The following CLTC variants were observed in gnomAD, a reference collection of about 807,000 sequenced individuals.
CLTC encodes the protein clathrin heavy chain 1.
Under a neutral mutation model 195.8 loss-of-function variants are expected in CLTC, and 16 were observed. That is an observed-to-expected ratio of 0.08 (90% CI 0.06 to 0.12). The LOEUF is 0.12. Ranked by LOEUF, CLTC falls within the 10% of genes least tolerant of loss-of-function variation. CLTC has a pLI of 1.00. For synonymous variants in CLTC, 667 were observed against 689.4 expected (o/e 0.97, Z 0.51); for missense variants, 796 against 2,027.0 (o/e 0.39, Z 11.66).
In CLTC at chr17:59,648,231, C is replaced by G. The variant is rs1598214509; in HGVS notation, c.520-9C>G. On this transcript the variant is annotated splice_polypyrimidine_tract_variant and intron_variant, in intron 3 of 31. Coordinates refer to ENST00000269122, the MANE Select transcript of CLTC (RefSeq NM_004859.4). The surrounding 1 kb of genome is among the most constrained non-coding windows in gnomAD (Gnocchi z 4.5). Reference sequence around the variant, plus strand: ...GTCTTCAAACGTTATTCTCTTTGATCCTTTATAGCAAAATCGTGTGGTGGG... The same window carrying G: ...GTCTTCAAACGTTATTCTCTTTGATGCTTTATAGCAAAATCGTGTGGTGGG... The G allele has an allele frequency of 6.2e-7, 1 of 1,602,586 alleles. No individual in the cohort carries two copies. The highest frequency in any genetic ancestry group is 8.5e-7 in the Non-Finnish European group (1 of 1,174,974).
chr17:59,663,220 T>A (rs2032650513), intron 8 of CLTC, among the ~76,000 whole-genome samples: 2 of 152,208 alleles, frequency 1.3e-5, no homozygotes, highest in Non-Finnish European at 2.9e-5. Context: ...ATTTCCAGAT[T>A]GGGCAGCTGA....
chr17:59,646,905 G>A (rs1410399225), intron 2 of CLTC, among the ~76,000 whole-genome samples: 1 of 152,162 alleles, frequency 6.6e-6, no homozygotes, highest in African/African-American at 2.4e-5. Context: ...AGACAGAATT[G>A]AAGCAGATCC....
chr17:59,624,867 G>A (rs1330586804), intron 1 of CLTC, among the ~76,000 whole-genome samples: 3 of 151,994 alleles, frequency 2.0e-5, no homozygotes, highest in South Asian at 2.1e-4. Context: ...ACAGAGTCTT[G>A]CTATATTGCT....
intron 8 of CLTC, 98 bp from the exon 9 acceptor site, chr17:59,663,744 C>G: frequency 2.0e-6 from 2 of 985,928 alleles, no homozygotes; most frequent in Non-Finnish European, 3.0e-6. Flanking sequence ...AACTAAGTAC[C>G]TTTCATACTA....
rs146734840 is a variant in CLTC, at chr17:59,663,706, C to T, written c.1369-136C>T. On this transcript the variant is annotated intron_variant, in intron 8 of 31. Transcript: ENST00000269122. The stretch of plus-strand genomic sequence containing the variant: ...AGATTAAGAGTCTACCAACCACAAC[C>T]CCTGCATATTTATAATATATTCTGT... The T allele has an allele frequency of 2.0e-5, 13 of 646,288 alleles. No homozygotes were observed. The Middle Eastern group carries it at 1.5e-3, about 72-fold the overall frequency. 40.0% of individuals were successfully genotyped at this position (646,288 alleles called of 1,614,324 possible).
intron 1 of CLTC, among the ~76,000 whole-genome samples, chr17:59,625,589 G>A (rs1056655072): frequency 4.9e-4 from 75 of 152,270 alleles, no homozygotes; most frequent in African/African-American, 1.6e-3. Flanking sequence ...CAAGGTAGGA[G>A]CATTGTTTGA....
intron 6 of CLTC, among the ~76,000 whole-genome samples, chr17:59,656,960 C>T (rs1005448210): frequency 2.0e-5 from 3 of 152,026 alleles, no homozygotes; most frequent in East Asian, 1.9e-4. Flanking sequence ...GCGTGAGTCA[C>T]GGCGCACAGC....
intron 1 of CLTC, among the ~76,000 whole-genome samples, chr17:59,633,161 A>G (rs549919421): frequency 1.3e-5 from 2 of 152,312 alleles, no homozygotes; most frequent in East Asian, 3.9e-4. Context: ...TCATTCACTC[A>G]TTTGAAAACA....
At chr17:59,627,979 T>C (rs765487657) in intron 1 of CLTC, among the ~76,000 whole-genome samples, 15 of 152,142 alleles carry the variant, frequency 9.9e-5, no homozygotes, top group African/African-American at 3.6e-4. Context: ...GAAATGAAGG[T>C]GACAATGGAA....
chr17:59,663,558 C>A (rs192348652), intron 8 of CLTC, among the ~76,000 whole-genome samples: 1,756 of 152,166 alleles, frequency 0.012, 14 homozygotes, highest in Non-Finnish European at 0.018. Context: ...CAAGATTGTA[C>A]TTTGAAGTAC....
intron 15 of CLTC, among the ~76,000 whole-genome samples, chr17:59,674,019 C>T (rs897028392): frequency 2.6e-5 from 4 of 152,098 alleles, no homozygotes; most frequent in Non-Finnish European, 5.9e-5. Context: ...CTGCCTTAGC[C>T]TCCAAGTATC....
At position 59,683,584 on chromosome 17, in the gene CLTC, T is replaced by C; in HGVS notation, c.4192-41T>C. ...AAAGGATTCAGAAGGAGAAAGCTCA[T>C]TAGGAAGTAACTGACTTATGTATGG... On this transcript the variant is annotated intron_variant, in intron 26 of 31. Transcript: ENST00000269122. The surrounding 1 kb of genome is among the most constrained non-coding windows in gnomAD (Gnocchi z 6.1). 1 of 1,613,330 alleles carries C rather than the reference T, an allele frequency of 6.2e-7. No individual in the cohort carries two copies. The highest frequency in any genetic ancestry group is 2.2e-5 in the East Asian group (1 of 44,852).
intron 28 of CLTC, 98 bp from the exon 29 acceptor site, chr17:59,684,958 T>C (rs2033151196): frequency 6.9e-6 from 6 of 869,334 alleles, no homozygotes; most frequent in Non-Finnish European, 1.0e-5. Flanking sequence ...CTAGGTGTCA[T>C]ATTACATGTT....
At chr17:59,638,507 TGGC>T (rs3064116) in intron 1 of CLTC, among the ~76,000 whole-genome samples, 132,814 of 150,710 alleles carry the variant, frequency 0.88, 58,725 homozygotes, top group African/African-American at 0.95. Flanking sequence ...ACAACCTTTT[TGGC>T]GGCACCAGGG....
chr17:59,651,366 A>C (rs536796271), intron 5 of CLTC, 50 bp downstream of exon 5: 1 of 1,203,710 alleles, frequency 8.3e-7, no homozygotes, highest in South Asian at 1.2e-5. Context: ...CTCTTAAAAG[A>C]AATTAACCCA....
chr17:59,628,235 A>G (rs2031608024), intron 1 of CLTC, among the ~76,000 whole-genome samples: 1 of 152,218 alleles, frequency 6.6e-6, no homozygotes, highest in African/African-American at 2.4e-5. Flanking sequence ...GCTATTCTGG[A>G]AAATGTCTCA....
chr17:59,692,840 A>G (rs573327962), intron 31 of CLTC, among the ~76,000 whole-genome samples: 301 of 152,096 alleles, frequency 2.0e-3, no homozygotes, highest in Middle Eastern at 6.8e-3. Flanking sequence ...GGGTTTCACC[A>G]TATCGGCCAC....
At chr17:59,665,049 A>T in intron 10 of CLTC, 140 bp downstream of exon 10, 1 of 1,073,286 alleles carries the variant, frequency 9.3e-7, no homozygotes, top group African/African-American at 1.6e-5. Flanking sequence ...ACATTGTGAG[A>T]CCCTGTAACT....
At chr17:59,623,765 A>G (rs1164284247) in intron 1 of CLTC, among the ~76,000 whole-genome samples, 1 of 152,180 alleles carries the variant, frequency 6.6e-6, no homozygotes, top group Non-Finnish European at 1.5e-5. Flanking sequence ...GTCCAGTAGA[A>G]CTTTCTTCAA....
Sources: gnomAD v4.1 joint callset for allele counts (sites outside exome capture counted in the v4.1 genomes callset) on GRCh38, gnomAD v4.1.1 for gene constraint, Gnocchi (gnomAD v3.1) non-coding constraint, MANE v1.5 for transcripts, NCBI Gene and HGNC (gene_info 2026-07-23, HGNC 2026-07-21) for gene names.